Variants in KAZN observed in about 807,000 individuals in gnomAD.
KAZN encodes the protein kazrin.
KAZN carries 40 observed loss-of-function variants against 87.4 expected under a neutral mutation model. That is an observed-to-expected ratio of 0.46 (90% CI 0.36 to 0.60). The LOEUF (loss-of-function observed/expected upper bound fraction) is 0.60, where lower values mean the gene tolerates loss of function less well. Among genes scored for constraint, KAZN ranks in the 20% least tolerant of loss-of-function variants. The pLI is 0.00. For synonymous variants in KAZN, 466 were observed against 458.3 expected, an observed-to-expected ratio of 1.02 and a Z score of -0.22; for missense variants, 898 against 1,073.9, an observed-to-expected ratio of 0.84 and a Z score of 2.29.
chr1:14,534,707 G>A (rs187990945), intron 2 of KAZN, among the ~76,000 whole-genome samples: 31 of 152,214 alleles, frequency 2.0e-4, no homozygotes, highest in East Asian at 1.7e-3. Flanking sequence ...TCACCTCTTA[G>A]GATATCCTCC....
At chr1:14,560,949 T>C (rs1674218797) in intron 2 of KAZN, among the ~76,000 whole-genome samples, 1 of 152,174 alleles carries the variant, frequency 6.6e-6, no homozygotes, top group Non-Finnish European at 1.5e-5. Flanking sequence ...TGGCATACTA[T>C]GTTGCCCCAT....
At chr1:14,554,115 C>T (rs977237735) in intron 2 of KAZN, among the ~76,000 whole-genome samples, 1 of 152,124 alleles carries the variant, frequency 6.6e-6, no homozygotes, top group African/African-American at 2.4e-5. Context: ...TCAGTTCACC[C>T]CTTTGAGCCT....
At chr1:14,205,884 C>CAAAAAAAAAAAAAA (rs70997121) in intron 2 of KAZN, among the ~76,000 whole-genome samples, 3,496 of 35,192 alleles carry the variant, frequency 0.099, 1,388 homozygotes, top group Non-Finnish European at 0.12. Flanking sequence ...GACACTGTCT[C>CAAAAAAAAAAAAAA]AAAAAAAAAA....
At chr1:14,951,480 T>C (rs1301240162) in intron 1 of KAZN, among the ~76,000 whole-genome samples, 2 of 151,936 alleles carry the variant, frequency 1.3e-5, no homozygotes, top group Non-Finnish European at 2.9e-5. Flanking sequence ...TATTTATTCA[T>C]TCATTCATTT....
intron 1 of KAZN, among the ~76,000 whole-genome samples, chr1:13,964,180 A>G (rs192807618): frequency 1.1e-4 from 17 of 152,330 alleles, no homozygotes; most frequent in African/African-American, 3.8e-4. Context: ...TCAGTGAATA[A>G]AACATATGTC....
chr1:14,284,059 A>G (rs1653051581), intron 2 of KAZN, among the ~76,000 whole-genome samples: 1 of 151,748 alleles, frequency 6.6e-6, no homozygotes, highest in African/African-American at 2.4e-5. Flanking sequence ...CCAGAAACCC[A>G]TAGATAGAGA....
intron 2 of KAZN, among the ~76,000 whole-genome samples, chr1:14,567,396 T>C (rs548671192): frequency 8.3e-4 from 127 of 152,308 alleles, no homozygotes; most frequent in African/African-American, 2.8e-3. Flanking sequence ...ATAGATATAA[T>C]GATAATGAAA....
intron 1 of KAZN, among the ~76,000 whole-genome samples, chr1:14,945,612 C>T (rs1172755871): frequency 6.6e-6 from 1 of 152,208 alleles, no homozygotes; most frequent in Non-Finnish European, 1.5e-5. Context: ...AAACACTGCT[C>T]GTTAGTGACT....
chr1:14,281,321 T>G (rs1365049306), intron 2 of KAZN, among the ~76,000 whole-genome samples: 1 of 152,202 alleles, frequency 6.6e-6, no homozygotes, highest in Non-Finnish European at 1.5e-5. Flanking sequence ...GTATTTGTTA[T>G]CAGCAGCAAT....
At chr1:14,153,708 G>T (rs1333936917) in intron 1 of KAZN, among the ~76,000 whole-genome samples, 23 of 151,364 alleles carry the variant, frequency 1.5e-4, no homozygotes, top group Non-Finnish European at 1.6e-4. Context: ...AACCTGGGAG[G>T]CGGAGGTTGC....
chr1:15,001,093 A>T (rs558397492), intron 2 of KAZN, among the ~76,000 whole-genome samples: 1 of 152,122 alleles, frequency 6.6e-6, no homozygotes, highest in South Asian at 2.1e-4. Context: ...ACAGATGGAG[A>T]CCTTGCCTCT....
intron 2 of KAZN, among the ~76,000 whole-genome samples, chr1:14,287,398 C>T (rs1225810359): frequency 6.6e-6 from 1 of 152,186 alleles, no homozygotes; most frequent in East Asian, 1.9e-4. Flanking sequence ...TCCTTCACAT[C>T]CCTTGTAAGT....
chr1:14,061,491 C>T lies in KAZN; in HGVS notation c.92-118944C>T, dbSNP rs530624889. Among the ~76,000 whole-genome samples the T allele has an allele frequency of 3.8e-4, 57 of 151,622 alleles. No homozygotes were observed. In the South Asian group the frequency reaches 4.2e-3, roughly 11 times the overall value. On this transcript the variant is annotated intron_variant, in intron 1 of 16. Transcript: ENST00000636203. ...GTAGCTGCGGCATTGAATATGACCC[C>T]GTAGAACGTTCTAGAACAATATGTG...
chr1:14,489,460 C>T (rs1249482513), intron 2 of KAZN, among the ~76,000 whole-genome samples: 4 of 152,048 alleles, frequency 2.6e-5, no homozygotes, highest in Non-Finnish European at 5.9e-5. Context: ...CTGGGCACAG[C>T]GGCTCATGCC....
intron 2 of KAZN, among the ~76,000 whole-genome samples, chr1:14,288,046 A>G (rs1228300155): frequency 6.6e-6 from 1 of 152,188 alleles, no homozygotes; most frequent in East Asian, 1.9e-4. Flanking sequence ...ATCATGGTGG[A>G]TAAGCTTTTT....
At chr1:14,314,881 T>C (rs1243068022) in intron 2 of KAZN, among the ~76,000 whole-genome samples, 1 of 152,174 alleles carries the variant, frequency 6.6e-6, no homozygotes, top group Non-Finnish European at 1.5e-5. Flanking sequence ...TTTGTGTATC[T>C]ATAAATTTAT....
chr1:14,292,258 C>A (rs1479796419), intron 2 of KAZN, among the ~76,000 whole-genome samples: 7 of 152,360 alleles, frequency 4.6e-5, no homozygotes, highest in African/African-American at 1.7e-4. Context: ...GCAGTTCACA[C>A]ATCTTTTGTC....
chr1:14,808,918 C>T (rs915290372), intron 1 of KAZN, among the ~76,000 whole-genome samples: 3 of 152,132 alleles, frequency 2.0e-5, no homozygotes, highest in Non-Finnish European at 4.4e-5. Context: ...GGTCACAAAA[C>T]GGCTGCCACA....
At chr1:13,955,662 C>G (rs954728053) in intron 1 of KAZN, among the ~76,000 whole-genome samples, 1 of 152,130 alleles carries the variant, frequency 6.6e-6, no homozygotes, top group Non-Finnish European at 1.5e-5. Flanking sequence ...GGTGTGTGAG[C>G]CTTAAAGCCA....
Sources: allele counts gnomAD v4.1 joint callset (sites outside exome capture counted in the v4.1 genomes callset), GRCh38; gene constraint gnomAD v4.1.1; transcripts MANE v1.5; gene names NCBI Gene and HGNC (gene_info 2026-07-23, HGNC 2026-07-21).